Variants in GUCY1A2 observed in about 807,000 individuals in gnomAD.
The protein encoded by GUCY1A2 is guanylate cyclase soluble subunit alpha-2.
GUCY1A2 carries 27 observed loss-of-function variants against 63.5 expected under a neutral mutation model. The observed-to-expected ratio is 0.43, with a 90% CI of 0.31 to 0.59. GUCY1A2 has a LOEUF of 0.59. Ranked by LOEUF, GUCY1A2 falls within the 20% of genes least tolerant of loss-of-function variation. The pLI, the probability that GUCY1A2 is intolerant of heterozygous loss-of-function variation, is 0.11. For synonymous variants in GUCY1A2, 364 were observed against 343.5 expected, an observed-to-expected ratio of 1.06 and a Z score of -0.66; for missense variants, 768 against 913.3, an observed-to-expected ratio of 0.84 and a Z score of 2.05.
intron 2 of GUCY1A2, among the ~76,000 whole-genome samples, chr11:106,984,593 C>T (rs184104665): frequency 7.9e-5 from 12 of 152,188 alleles, no homozygotes; most frequent in Middle Eastern, 3.4e-3. Flanking sequence ...ATTTCGAAAG[C>T]GAAAGAGCAT....
At chr11:106,855,609 A>G (rs1056284041) in intron 4 of GUCY1A2, among the ~76,000 whole-genome samples, 1 of 152,132 alleles carries the variant, frequency 6.6e-6, no homozygotes, top group African/African-American at 2.4e-5. Flanking sequence ...ATTTTTTCAC[A>G]TGGAGATAGA....
intron 1 of GUCY1A2, among the ~76,000 whole-genome samples, chr11:106,988,043 C>T (rs1256654271): frequency 1.3e-5 from 2 of 152,322 alleles, no homozygotes; most frequent in East Asian, 3.9e-4. Flanking sequence ...AGGCCTCAGA[C>T]TGGCACAAAT....
At chr11:106,901,675 C>G (rs1860135534) in intron 4 of GUCY1A2, among the ~76,000 whole-genome samples, 1 of 142,524 alleles carries the variant, frequency 7.0e-6, no homozygotes, top group Admixed American at 7.3e-5. Flanking sequence ...TGTGATGTTC[C>G]CCTTCCTGTG....
At chr11:106,853,350 T>C (rs1026661121) in intron 4 of GUCY1A2, among the ~76,000 whole-genome samples, 1 of 152,068 alleles carries the variant, frequency 6.6e-6, no homozygotes, top group African/African-American at 2.4e-5. Context: ...TTTTAAAATT[T>C]TTTTGGTTTT....
intron 3 of GUCY1A2, among the ~76,000 whole-genome samples, chr11:106,947,451 A>C (rs1860845980): frequency 6.6e-6 from 1 of 152,026 alleles, no homozygotes; most frequent in Non-Finnish European, 1.5e-5. Flanking sequence ...AAAACTAAAA[A>C]GCAAAATCAG....
chr11:106,721,065 A>AT (rs71041688), intron 6 of GUCY1A2, among the ~76,000 whole-genome samples: 4,463 of 144,942 alleles, frequency 0.031, 118 homozygotes, highest in East Asian at 0.066. Flanking sequence ...ATATTTGCAA[A>AT]TTTTTTTTTT....
chr11:106,828,057 T>A (rs1858998851), intron 4 of GUCY1A2, among the ~76,000 whole-genome samples: 1 of 152,166 alleles, frequency 6.6e-6, no homozygotes, highest in Admixed American at 6.5e-5. Flanking sequence ...TCTTTATTTT[T>A]TTTTCTTGTT....
rs10890563 is a variant in GUCY1A2, at chr11:106,675,610, C to T, written c.*11939G>A. 0.12 allele frequency: 23,017 copies of T among 188,158 alleles called. 1,964 individuals carry two copies. Among genetic ancestry groups the T allele is most frequent in the African/African-American group, 0.24 (10,281 of 42,836 alleles). 11.7% of individuals were successfully genotyped at this position (188,158 alleles called of 1,614,324 possible). ...TCTATTTTTCTCAACCATATTTCTTCTATTTTTACAATCATTATTAAAATA... is the reference window on the plus strand; with the variant it reads ...TCTATTTTTCTCAACCATATTTCTTTTATTTTTACAATCATTATTAAAATA... On this transcript the variant is annotated 3_prime_UTR_variant, in exon 8 of 8. Transcript: ENST00000526355.
chr11:106,856,304 C>A (rs1037740022), intron 4 of GUCY1A2, among the ~76,000 whole-genome samples: 3 of 152,092 alleles, frequency 2.0e-5, no homozygotes, highest in Non-Finnish European at 2.9e-5. Context: ...AAAGAAAAAA[C>A]GTGTTAGCTA....
chr11:106,792,038 T>C (rs971522728), intron 5 of GUCY1A2, among the ~76,000 whole-genome samples: 1 of 152,030 alleles, frequency 6.6e-6, no homozygotes, highest in Non-Finnish European at 1.5e-5. Flanking sequence ...TGAACACTGA[T>C]GCAAAATTCT....
At chr11:106,896,071 G>A (rs538876054) in intron 4 of GUCY1A2, among the ~76,000 whole-genome samples, 49 of 149,582 alleles carry the variant, frequency 3.3e-4, no homozygotes, top group Non-Finnish European at 6.5e-4. Context: ...ACACATATAC[G>A]TATATATTCA....
At chr11:106,996,466 T>C (rs1471491976) in intron 1 of GUCY1A2, among the ~76,000 whole-genome samples, 1 of 152,188 alleles carries the variant, frequency 6.6e-6, no homozygotes, top group Non-Finnish European at 1.5e-5. Flanking sequence ...TTAAAGAACT[T>C]AGCATGAAAT....
chr11:106,985,009 C>T (rs965248544), intron 2 of GUCY1A2, among the ~76,000 whole-genome samples: 6 of 152,000 alleles, frequency 3.9e-5, no homozygotes, highest in African/African-American at 7.2e-5. Context: ...TTAAAGTATA[C>T]GGCATTGTAC....
At chr11:106,701,497 T>C (rs757831161) in intron 7 of GUCY1A2, among the ~76,000 whole-genome samples, 19 of 152,268 alleles carry the variant, frequency 1.2e-4, no homozygotes, top group Non-Finnish European at 2.8e-4. Context: ...ACTGCTCTCT[T>C]CACCATTTTC....
intron 3 of GUCY1A2, among the ~76,000 whole-genome samples, chr11:106,951,761 T>C (rs929639152): frequency 1.3e-5 from 2 of 152,206 alleles, no homozygotes; most frequent in South Asian, 2.1e-4. Flanking sequence ...CTTGTCAATT[T>C]TGGATTTTGT....
intron 5 of GUCY1A2, among the ~76,000 whole-genome samples, chr11:106,802,311 G>T (rs1199787434): frequency 6.6e-6 from 1 of 152,150 alleles, no homozygotes; most frequent in Non-Finnish European, 1.5e-5. Flanking sequence ...TAAATGAGCA[G>T]TTTGAGCTTA....
At chr11:106,795,710 G>A (rs1430132218) in intron 5 of GUCY1A2, among the ~76,000 whole-genome samples, 1 of 152,116 alleles carries the variant, frequency 6.6e-6, no homozygotes, top group African/African-American at 2.4e-5. Flanking sequence ...CCAAATTTAA[G>A]ATGACAGAGT....
chr11:106,789,726 G>A (rs1290122533), intron 5 of GUCY1A2, among the ~76,000 whole-genome samples: 3 of 152,212 alleles, frequency 2.0e-5, no homozygotes, highest in Admixed American at 1.3e-4. Flanking sequence ...GGGCACCCAA[G>A]CCCAGTAATG....
intron 5 of GUCY1A2, among the ~76,000 whole-genome samples, chr11:106,778,212 T>C (rs1382773980): frequency 6.6e-6 from 1 of 152,124 alleles, no homozygotes; most frequent in African/African-American, 2.4e-5. Context: ...TGATGAAAAA[T>C]TGTACTAAAT....
Sources: allele counts gnomAD v4.1 joint callset (sites outside exome capture counted in the v4.1 genomes callset), GRCh38; gene constraint gnomAD v4.1.1; transcripts MANE v1.5; gene names NCBI Gene and HGNC (gene_info 2026-07-23, HGNC 2026-07-21).